The following EFNA5 variants were observed in gnomAD, a reference collection of about 807,000 sequenced individuals.
EFNA5 encodes ephrin-A5.
A neutral mutation model predicts 22.9 loss-of-function variants in EFNA5; 5 were observed. That is an observed-to-expected ratio of 0.22 (90% CI 0.11 to 0.46). The LOEUF (loss-of-function observed/expected upper bound fraction) is 0.46, where lower values mean the gene tolerates loss of function less well. Ranked by LOEUF, EFNA5 falls within the 20% of genes least tolerant of loss-of-function variation. EFNA5 has a pLI of 0.99. For synonymous variants in EFNA5, 113 were observed against 112.2 expected (o/e 1.01, Z -0.04); for missense variants, 237 against 293.3 (o/e 0.81, Z 1.40).
Position 107,377,499 on chromosome 5 carries a change from G to A in EFNA5, c.*3756C>T, listed in dbSNP as rs1345768799. 2 of 152,158 alleles carry A rather than the reference G, an allele frequency of 1.3e-5. No individual in the cohort carries two copies. Among genetic ancestry groups the A allele is most frequent in the East Asian group, 1.9e-4 (1 of 5,202 alleles). The allele number at this position is 152,158 out of a possible 1,614,324, so 9.4% of individuals were successfully genotyped here. A position where few individuals can be genotyped will look rare whatever the true frequency, so the allele number is the denominator to read the frequency against. On this transcript the variant is annotated 3_prime_UTR_variant, in exon 5 of 5. Coordinates refer to ENST00000333274, the MANE Select transcript of EFNA5 (RefSeq NM_001962.3). ...GACCACAACTCTGAGAGCAATGAAT[G>A]GAAAGGAGGAGTTGAAAACTGTTTT... is the stretch of plus-strand genomic sequence containing the variant.
In EFNA5 at chr5:107,378,910, T is replaced by C. The variant is rs1747350571; in HGVS notation, c.*2345A>G. ...TGGTTATAGAACATGCTGTATTATT[T>C]TGGTTCTATTGATCCATTTTAGAAG... On this transcript the variant is annotated 3_prime_UTR_variant, in exon 5 of 5. Transcript: ENST00000333274. 6.6e-6 allele frequency: 1 copy of C among 152,182 alleles called. No homozygotes were observed. Among genetic ancestry groups the C allele is most frequent in the Admixed American group, 6.5e-5 (1 of 15,280 alleles). The allele number at this position is 152,182 out of a possible 1,614,324, so 9.4% of individuals were successfully genotyped here.
chr5:107,421,476 T>C (rs938499065), intron 2 of EFNA5, among the ~76,000 whole-genome samples: 2 of 152,180 alleles, frequency 1.3e-5, no homozygotes, highest in African/African-American at 4.8e-5. Flanking sequence ...TTAAGGAGAA[T>C]TTCTTAGAAA....
At chr5:107,434,865 T>A (rs1297194098) in intron 1 of EFNA5, among the ~76,000 whole-genome samples, 1 of 152,240 alleles carries the variant, frequency 6.6e-6, no homozygotes, top group Non-Finnish European at 1.5e-5. Context: ...ATTGTTTTAA[T>A]ATTCCTACTT....
At chr5:107,541,676 C>A (rs1748050399) in intron 1 of EFNA5, among the ~76,000 whole-genome samples, 1 of 152,126 alleles carries the variant, frequency 6.6e-6, no homozygotes, top group African/African-American at 2.4e-5. Flanking sequence ...ACTTCAAGCT[C>A]AGTAAACTGA....
At chr5:107,428,905 G>A (rs1271156814) in intron 1 of EFNA5, among the ~76,000 whole-genome samples, 1 of 152,146 alleles carries the variant, frequency 6.6e-6, no homozygotes, top group African/African-American at 2.4e-5. Flanking sequence ...TTCTGCAAGG[G>A]AGTCCATAAA....
intron 1 of EFNA5, among the ~76,000 whole-genome samples, chr5:107,491,368 A>G (rs1224010978): frequency 6.6e-6 from 1 of 151,998 alleles, no homozygotes; most frequent in Non-Finnish European, 1.5e-5. Flanking sequence ...CTGAAGTGCA[A>G]TGGCGTGATC....
At chr5:107,573,058 C>T (rs546688380) in intron 1 of EFNA5, among the ~76,000 whole-genome samples, 10 of 152,284 alleles carry the variant, frequency 6.6e-5, no homozygotes, top group Non-Finnish European at 1.3e-4. Flanking sequence ...TTTGTAAAGG[C>T]GCAGTGGGTC....
In EFNA5 at chr5:107,545,476, G is replaced by A. The variant is rs190258332; in HGVS notation, c.126-117967C>T. On this transcript the variant is annotated intron_variant, in intron 1 of 4. Transcript: ENST00000333274. ...CAGTTCTACCTGGGTTTTAGCAAGT[G>A]AGCCCTAACCCTGTTTCATGAAGTA... 4.6e-5 allele frequency among the ~76,000 whole-genome samples: 7 copies of A among 152,312 alleles called. No homozygotes were observed. The East Asian group carries it at 1.3e-3, about 29-fold the overall frequency.
At chr5:107,649,302 A>T (rs761259045) in intron 1 of EFNA5, among the ~76,000 whole-genome samples, 32 of 152,310 alleles carry the variant, frequency 2.1e-4, no homozygotes, top group Admixed American at 4.6e-4. Context: ...TTCATCTTCC[A>T]AACTGATAAA....
chr5:107,410,361 G>A (rs796609460), intron 2 of EFNA5, among the ~76,000 whole-genome samples: 1 of 152,130 alleles, frequency 6.6e-6, no homozygotes, highest in African/African-American at 2.4e-5. Flanking sequence ...AAGAAGACTA[G>A]AGGCAAGGAT....
intron 2 of EFNA5, among the ~76,000 whole-genome samples, chr5:107,396,458 G>T (rs1747929136): frequency 6.6e-6 from 1 of 152,200 alleles, no homozygotes; most frequent in Non-Finnish European, 1.5e-5. Flanking sequence ...CAGATTGATA[G>T]CATCAGCTCT....
intron 1 of EFNA5, among the ~76,000 whole-genome samples, chr5:107,565,511 T>C (rs1295210691): frequency 6.6e-6 from 1 of 152,232 alleles, no homozygotes; most frequent in African/African-American, 2.4e-5. Context: ...ATAATGTTTG[T>C]GTGTATAAAT....
chr5:107,466,708 C>T (rs532072483), intron 1 of EFNA5, among the ~76,000 whole-genome samples: 1 of 152,292 alleles, frequency 6.6e-6, no homozygotes, highest in East Asian at 1.9e-4. Context: ...GGCAAGCTCA[C>T]AAATCCCTAG....
chr5:107,410,089 C>T lies in EFNA5; in HGVS notation c.418+17128G>A, dbSNP rs547156581. ...TGTTGCCCAGGCTGGAGTGCAGCGG[C>T]GCGATCTCGGTTCATGCAAGCTCCG... On this transcript the variant is annotated intron_variant, in intron 2 of 4. Coordinates refer to ENST00000333274, the MANE Select transcript of EFNA5 (RefSeq NM_001962.3). Among the ~76,000 whole-genome samples the T allele has an allele frequency of 7.7e-5, 11 of 143,518 alleles. No individual in the cohort carries two copies. In the South Asian group the frequency reaches 8.7e-4, roughly 11 times the overall value. The allele number at this position is 143,518 out of a possible 152,430, so 94.2% of individuals were successfully genotyped here.
intron 1 of EFNA5, among the ~76,000 whole-genome samples, chr5:107,527,408 T>A (rs1471741190): frequency 6.6e-6 from 1 of 151,946 alleles, no homozygotes; most frequent in East Asian, 1.9e-4. Flanking sequence ...TGCCTCAGCC[T>A]CCCGAGTAGC....
chr5:107,563,669 G>A (rs116355591), intron 1 of EFNA5, among the ~76,000 whole-genome samples: 1,875 of 152,088 alleles, frequency 0.012, 36 homozygotes, highest in African/African-American at 0.043. Flanking sequence ...TCCAGCTCCC[G>A]GCCACAAGTG....
At chr5:107,441,423 C>T (rs1749254678) in intron 1 of EFNA5, among the ~76,000 whole-genome samples, 1 of 152,192 alleles carries the variant, frequency 6.6e-6, no homozygotes, top group Admixed American at 6.5e-5. Flanking sequence ...AGCGTCCTAT[C>T]TGCAGAAACA....
At chr5:107,484,803 T>A (rs1746548875) in intron 1 of EFNA5, among the ~76,000 whole-genome samples, 1 of 151,688 alleles carries the variant, frequency 6.6e-6, no homozygotes, top group African/African-American at 2.4e-5. Flanking sequence ...ATTTTGTATT[T>A]TTTTTTTTTA....
At chr5:107,668,416 A>C (rs1404391201) in intron 1 of EFNA5, among the ~76,000 whole-genome samples, 3 of 152,218 alleles carry the variant, frequency 2.0e-5, no homozygotes, top group African/African-American at 7.2e-5. Flanking sequence ...ACAGTATCAA[A>C]AGCACAAAAC....
Sources: allele counts gnomAD v4.1 joint callset (sites outside exome capture counted in the v4.1 genomes callset), GRCh38; gene constraint gnomAD v4.1.1; transcripts MANE v1.5; gene names NCBI Gene and HGNC (gene_info 2026-07-23, HGNC 2026-07-21).